ADGRB3: variants seen among roughly 807,000 people sequenced by gnomAD.
ADGRB3 encodes brain-specific angiogenesis inhibitor 3.
ADGRB3 carries 37 observed loss-of-function variants against 193.4 expected under a neutral mutation model. The observed-to-expected ratio is 0.19, with a 90% confidence interval of 0.15 to 0.25. The LOEUF (loss-of-function observed/expected upper bound fraction) is 0.25, where lower values mean the gene tolerates loss of function less well. Among genes scored for constraint, ADGRB3 ranks in the 10% least tolerant of loss-of-function variants. The pLI is 1.00. For synonymous variants in ADGRB3, 690 were observed against 644.2 expected, an observed-to-expected ratio of 1.07 and a Z score of -1.08; for missense variants, 1,637 against 1,852.9, an observed-to-expected ratio of 0.88 and a Z score of 2.14.
chr6:68,677,506 T>G (rs1769122966), intron 3 of ADGRB3, among the ~76,000 whole-genome samples: 1 of 136,916 alleles, frequency 7.3e-6, no homozygotes, highest in East Asian at 2.0e-4. Flanking sequence ...ATTTTTTTCT[T>G]TTTTTTCTTT....
rs370625140 is a variant in ADGRB3, at chr6:68,664,300, A to G, written c.757+24868A>G. On this transcript the variant is annotated intron_variant, in intron 3 of 31. Transcript: ENST00000370598. The stretch of plus-strand genomic sequence containing the variant: ...TATTTAGGATAAAATATTGTTAGAG[A>G]TTGAATGTTTTTGCCATCCTTCAAA... Among the ~76,000 whole-genome samples, 26 of 151,810 alleles carry G rather than the reference A, an allele frequency of 1.7e-4. 1 individual carries two copies. In the East Asian group the frequency reaches 3.9e-3, roughly 23 times the overall value.
At chr6:69,043,223 A>C (rs1018500835) in intron 13 of ADGRB3, among the ~76,000 whole-genome samples, 5 of 151,700 alleles carry the variant, frequency 3.3e-5, no homozygotes, top group African/African-American at 1.2e-4. Context: ...AAGAGACAAG[A>C]AAAGAAGGAA....
At chr6:69,339,645 G>A in intron 26 of ADGRB3, 141 bp downstream of exon 26, 2 of 1,075,162 alleles carry the variant, frequency 1.9e-6, no homozygotes, top group South Asian at 1.6e-5. Context: ...AAAGCTGAAG[G>A]AATGCTTTAA....
At chr6:68,907,028 T>C (rs556744041) in intron 3 of ADGRB3, among the ~76,000 whole-genome samples, 108 of 152,042 alleles carry the variant, frequency 7.1e-4, no homozygotes, top group Non-Finnish European at 1.2e-3. Flanking sequence ...CAAATGAAAA[T>C]AATATATATA....
chr6:68,978,531 G>A (rs1439590515), intron 10 of ADGRB3, among the ~76,000 whole-genome samples: 1 of 151,474 alleles, frequency 6.6e-6, no homozygotes, highest in African/African-American at 2.4e-5. Flanking sequence ...ATGAATGAAT[G>A]TATGCTTTCA....
intron 17 of ADGRB3, among the ~76,000 whole-genome samples, chr6:69,205,377 T>C (rs796406584): frequency 4.2e-5 from 6 of 144,424 alleles, no homozygotes; most frequent in African/African-American, 1.4e-4. Flanking sequence ...TATTGTCTTT[T>C]CTGTAGAATA....
chr6:68,995,616 C>T (rs1034119996), intron 11 of ADGRB3, among the ~76,000 whole-genome samples: 6 of 152,190 alleles, frequency 3.9e-5, no homozygotes, highest in Non-Finnish European at 8.8e-5. Context: ...AAATAGGTTT[C>T]TCTCTTTCCA....
chr6:69,031,571 C>CTTTCTTTCTCTCTCTCTCT (rs1337493560), intron 13 of ADGRB3, among the ~76,000 whole-genome samples: 6 of 106,826 alleles, frequency 5.6e-5, no homozygotes, highest in Non-Finnish European at 7.7e-5. Context: ...TTCTTTTCTT[C>CTTTCTTTCTCTCTCTCTCT]CTCTGTCTCT....
At chr6:69,152,362 C>A (rs1345203665) in intron 17 of ADGRB3, among the ~76,000 whole-genome samples, 1 of 152,158 alleles carries the variant, frequency 6.6e-6, no homozygotes, top group Non-Finnish European at 1.5e-5. Flanking sequence ...TGTGACTCTT[C>A]TTAATGCAAA....
chr6:69,194,123 C>T (rs185771931), intron 17 of ADGRB3, among the ~76,000 whole-genome samples: 1 of 151,952 alleles, frequency 6.6e-6, no homozygotes, highest in African/African-American at 2.4e-5. Context: ...TCCGGTGTGG[C>T]CATAAATTTC....
At chr6:69,163,270 T>C (rs1402234891) in intron 17 of ADGRB3, among the ~76,000 whole-genome samples, 2 of 152,126 alleles carry the variant, frequency 1.3e-5, no homozygotes, top group Admixed American at 1.3e-4. Flanking sequence ...TACTACTACT[T>C]TAGCCACAGC....
intron 3 of ADGRB3, among the ~76,000 whole-genome samples, chr6:68,680,536 G>A (rs907143932): frequency 2.6e-5 from 4 of 152,048 alleles, no homozygotes; most frequent in African/African-American, 9.7e-5. Context: ...GGTTAACCTT[G>A]CTGAGAGCTC....
At chr6:69,346,317 A>G (rs1290753862) in intron 26 of ADGRB3, among the ~76,000 whole-genome samples, 2 of 152,240 alleles carry the variant, frequency 1.3e-5, no homozygotes, top group African/African-American at 4.8e-5. Flanking sequence ...TGGAGGCATC[A>G]TGCTACCTGA....
chr6:68,719,793 A>G (rs557666233), intron 3 of ADGRB3, among the ~76,000 whole-genome samples: 2 of 151,776 alleles, frequency 1.3e-5, no homozygotes, highest in South Asian at 4.1e-4. Flanking sequence ...CAAAGAGCAA[A>G]TGATACCAAG....
intron 17 of ADGRB3, among the ~76,000 whole-genome samples, chr6:69,220,794 A>G (rs925678003): frequency 6.6e-6 from 1 of 152,162 alleles, no homozygotes; most frequent in African/African-American, 2.4e-5. Context: ...TAACAGCATG[A>G]TAGGAAGATA....
At chr6:69,327,484 A>G (rs986309996) in intron 21 of ADGRB3, among the ~76,000 whole-genome samples, 1 of 152,180 alleles carries the variant, frequency 6.6e-6, no homozygotes, top group South Asian at 2.1e-4. Context: ...TTCTGATTTT[A>G]TAACTATAAA....
chr6:69,261,679 A>T (rs1766932129), intron 20 of ADGRB3, among the ~76,000 whole-genome samples: 1 of 152,056 alleles, frequency 6.6e-6, no homozygotes, highest in Non-Finnish European at 1.5e-5. Flanking sequence ...GTGCAATAAT[A>T]TGTAACATTT....
chr6:69,072,947 C>T (rs1411351462), intron 16 of ADGRB3, among the ~76,000 whole-genome samples: 1 of 152,136 alleles, frequency 6.6e-6, no homozygotes, highest in African/African-American at 2.4e-5. Context: ...ACACCATTCC[C>T]CTTTCCTTCC....
intron 3 of ADGRB3, among the ~76,000 whole-genome samples, chr6:68,923,718 A>T (rs1767107870): frequency 6.6e-6 from 1 of 152,054 alleles, no homozygotes; most frequent in Admixed American, 6.6e-5. Context: ...CTTTTAAGAG[A>T]ATTGTCCATC....
Sources: allele counts gnomAD v4.1 joint callset (sites outside exome capture counted in the v4.1 genomes callset), GRCh38; gene constraint gnomAD v4.1.1; transcripts MANE v1.5; gene names NCBI Gene and HGNC (gene_info 2026-07-23, HGNC 2026-07-21).